The following KYNU variants were observed in gnomAD, a reference collection of about 807,000 sequenced individuals.
KYNU encodes kynureninase.
A neutral mutation model predicts 59.2 loss-of-function variants in KYNU; 54 were observed. That is an observed-to-expected ratio of 0.91 (90% CI 0.73 to 1.14). KYNU has a LOEUF of 1.14. Ranked by LOEUF, KYNU falls within the 50% of genes most tolerant of loss-of-function variation. KYNU has a pLI of 0.00. For synonymous variants in KYNU, 177 were observed against 192.0 expected (o/e 0.92, Z 0.65); for missense variants, 567 against 554.4 (o/e 1.02, Z -0.23).
chr2:142,896,082 C>CA (rs1253174611), intron 2 of KYNU, among the ~76,000 whole-genome samples: 5 of 152,302 alleles, frequency 3.3e-5, no homozygotes, highest in Non-Finnish European at 7.3e-5. Context: ...TCAGGCCATA[C>CA]AAAAACAGGT....
chr2:142,957,377 T>G (rs1377717959), intron 6 of KYNU, among the ~76,000 whole-genome samples: 1 of 152,154 alleles, frequency 6.6e-6, no homozygotes, highest in Non-Finnish European at 1.5e-5. Flanking sequence ...GATTAGATGA[T>G]TTAATTTCTT....
At chr2:142,997,566 C>G (rs965075856) in intron 10 of KYNU, among the ~76,000 whole-genome samples, 1 of 152,086 alleles carries the variant, frequency 6.6e-6, no homozygotes, top group African/African-American at 2.4e-5. Context: ...CATTCCTGAA[C>G]ACAAACTTAA....
chr2:142,980,061 AC>A (rs1685006647), intron 8 of KYNU, among the ~76,000 whole-genome samples: 1 of 152,088 alleles, frequency 6.6e-6, no homozygotes, highest in Admixed American at 6.6e-5. Context: ...TTTTTCTGGG[AC>A]GGGGTTGGGC....
At chr2:143,017,794 G>A (rs1014212077) in intron 10 of KYNU, among the ~76,000 whole-genome samples, 3 of 152,066 alleles carry the variant, frequency 2.0e-5, no homozygotes, top group African/African-American at 7.2e-5. Flanking sequence ...GTGTATCATT[G>A]TGGGTTTGAT....
At chr2:143,032,869 A>T (rs1686797229) in intron 11 of KYNU, among the ~76,000 whole-genome samples, 1 of 152,114 alleles carries the variant, frequency 6.6e-6, no homozygotes, top group Non-Finnish European at 1.5e-5. Flanking sequence ...CTAAAAGCTG[A>T]TGCTCTCTCT....
intron 10 of KYNU, among the ~76,000 whole-genome samples, chr2:143,016,313 A>C (rs1207487857): frequency 6.6e-6 from 1 of 152,222 alleles, no homozygotes; most frequent in Non-Finnish European, 1.5e-5. Flanking sequence ...TTTCACATAG[A>C]TGCACATTTC....
At chr2:143,032,301 A>T (rs201396099) in intron 11 of KYNU, among the ~76,000 whole-genome samples, 1 of 74,550 alleles carries the variant, frequency 1.3e-5, no homozygotes, top group Admixed American at 1.6e-4. Flanking sequence ...AAAAAAAAAA[A>T]CAAAACAAAA....
At chr2:142,970,236 A>G (rs1203468248) in intron 8 of KYNU, among the ~76,000 whole-genome samples, 2 of 152,202 alleles carry the variant, frequency 1.3e-5, no homozygotes, top group African/African-American at 4.8e-5. Flanking sequence ...TTTTCGCAGC[A>G]GATAATCTAT....
intron 10 of KYNU, among the ~76,000 whole-genome samples, chr2:142,990,586 A>G (rs1363860882): frequency 6.6e-6 from 1 of 151,798 alleles, no homozygotes; most frequent in Non-Finnish European, 1.5e-5. Context: ...TTACTTTTTT[A>G]TGTGAGCCAG....
At position 142,928,681 on chromosome 2, in the gene KYNU, T is replaced by C. The variant is rs150810160; in HGVS notation, c.373+940T>C. Among the ~76,000 whole-genome samples the C allele has an allele frequency of 2.0e-5, 3 of 152,154 alleles. No homozygotes were observed. In the East Asian group the frequency reaches 5.8e-4, roughly 29 times the overall value. ...AAAAGTAATTATTGATTTTTTGCTA[T>C]ATGTCATGACTTGTGGGAGCTCTGA... is the stretch of plus-strand genomic sequence containing the variant. On this transcript the variant is annotated intron_variant, in intron 4 of 13. Transcript: ENST00000264170.
At chr2:142,893,840 C>G (rs1000752130) in intron 2 of KYNU, among the ~76,000 whole-genome samples, 1 of 152,094 alleles carries the variant, frequency 6.6e-6, no homozygotes, top group Non-Finnish European at 1.5e-5. Flanking sequence ...ATATTGGCCC[C>G]AATGTCTAAG....
At chr2:143,004,696 G>C (rs1685815807) in intron 10 of KYNU, among the ~76,000 whole-genome samples, 3 of 152,144 alleles carry the variant, frequency 2.0e-5, no homozygotes, top group Admixed American at 2.0e-4. Flanking sequence ...GCAAGACTCT[G>C]TCTCAAAAAT....
intron 8 of KYNU, among the ~76,000 whole-genome samples, chr2:142,975,135 A>G (rs1684846816): frequency 6.6e-6 from 1 of 152,092 alleles, no homozygotes; most frequent in South Asian, 2.1e-4. Context: ...TGTTTTTTCC[A>G]AAACCACCCT....
At chr2:142,910,565 C>T (rs1254588531) in intron 2 of KYNU, among the ~76,000 whole-genome samples, 1 of 152,060 alleles carries the variant, frequency 6.6e-6, no homozygotes, top group African/African-American at 2.4e-5. Flanking sequence ...TGTGCAGAAG[C>T]TCTTTAGTTT....
intron 3 of KYNU, among the ~76,000 whole-genome samples, chr2:142,926,101 A>G (rs1683038202): frequency 6.6e-6 from 1 of 152,032 alleles, no homozygotes; most frequent in South Asian, 2.1e-4. Context: ...GGAATCAGGG[A>G]GGGGAACATC....
At chr2:143,025,904 A>G (rs1328219666) in intron 10 of KYNU, among the ~76,000 whole-genome samples, 35 of 152,190 alleles carry the variant, frequency 2.3e-4, no homozygotes, top group Admixed American at 2.3e-3. Flanking sequence ...TTTTTAAGTG[A>G]TGGATTTTAA....
At chr2:142,906,065 C>G (rs903084718) in intron 2 of KYNU, among the ~76,000 whole-genome samples, 2 of 151,196 alleles carry the variant, frequency 1.3e-5, no homozygotes, top group African/African-American at 2.4e-5. Flanking sequence ...CTTTCTCTTT[C>G]TCTCCTCTCT....
intron 7 of KYNU, among the ~76,000 whole-genome samples, chr2:142,958,503 A>C (rs539341418): frequency 1.1e-3 from 162 of 152,314 alleles, no homozygotes; most frequent in Non-Finnish European, 1.7e-3. Flanking sequence ...TTGTTTGGAC[A>C]ATTACTTCTT....
Position 143,045,679 on chromosome 2 carries a change from G to A in KYNU, c.*3507G>A, listed in dbSNP as rs929779144. 6 of 151,938 alleles carry A rather than the reference G, an allele frequency of 3.9e-5. No individual in the cohort carries two copies. The highest frequency in any genetic ancestry group is 1.4e-4 in the African/African-American group (6 of 41,414). The allele number at this position is 151,938 out of a possible 1,614,324, so 9.4% of individuals were successfully genotyped here. On this transcript the variant is annotated 3_prime_UTR_variant, in exon 14 of 14. Transcript: ENST00000264170. ...TATATAGGAATGCTTTTATTTTAAA[G>A]ATGGAAGATGATGTCTCTCTATGTA...
Sources: gnomAD v4.1 joint callset for allele counts (sites outside exome capture counted in the v4.1 genomes callset) on GRCh38, gnomAD v4.1.1 for gene constraint, MANE v1.5 for transcripts, NCBI Gene and HGNC (gene_info 2026-07-23, HGNC 2026-07-21) for gene names.